The following IMMP2L variants were observed in gnomAD, a reference collection of about 807,000 sequenced individuals.
The protein encoded by IMMP2L is inner mitochondrial membrane peptidase subunit 2.
In IMMP2L, 18 loss-of-function variants were observed where a neutral mutation model predicts 19.3. The observed-to-expected ratio is 0.93, with a 90% confidence interval of 0.64 to 1.38. The LOEUF is 1.38. Ranked by LOEUF, IMMP2L falls within the 40% of genes most tolerant of loss-of-function variation. IMMP2L has a pLI of 0.00. For synonymous variants in IMMP2L, 76 were observed against 73.0 expected (o/e 1.04, Z -0.21); for missense variants, 233 against 218.2 (o/e 1.07, Z -0.43).
At chr7:110,981,627 A>G (rs140555219) in intron 3 of IMMP2L, among the ~76,000 whole-genome samples, 46 of 152,270 alleles carry the variant, frequency 3.0e-4, no homozygotes, top group African/African-American at 1.1e-3. Context: ...CTCCTTTTTA[A>G]GATTTTGAAA....
chr7:110,988,762 T>C (rs1426035862), intron 3 of IMMP2L, among the ~76,000 whole-genome samples: 1 of 152,168 alleles, frequency 6.6e-6, no homozygotes, highest in African/African-American at 2.4e-5. Context: ...AATTATTGTA[T>C]TCCTAAAAAG....
chr7:110,910,161 C>T (rs531062888), intron 4 of IMMP2L, among the ~76,000 whole-genome samples: 2 of 152,084 alleles, frequency 1.3e-5, no homozygotes, highest in Middle Eastern at 3.4e-3. Context: ...TGGGATGAAG[C>T]GTGAAATACT....
rs7811592 is a variant in IMMP2L, at chr7:111,150,299, T to C, written c.240-186734A>G. 1.4e-3 allele frequency among the ~76,000 whole-genome samples: 218 copies of C among 152,262 alleles called. 1 individual carries two copies. Among genetic ancestry groups the C allele is most frequent in the African/African-American group, 4.9e-3 (205 of 41,546 alleles). The stretch of plus-strand genomic sequence containing the variant: ...AGCATCTCCAAGACACAGGGTTTAC[T>C]CTCATTCCTAGGCTGTCAGTCAAGG... On this transcript the variant is annotated intron_variant, in intron 3 of 5. Transcript: ENST00000405709.
intron 3 of IMMP2L, among the ~76,000 whole-genome samples, chr7:111,120,212 C>A (rs1800421637): frequency 6.6e-6 from 1 of 152,042 alleles, no homozygotes; most frequent in African/African-American, 2.4e-5. Flanking sequence ...TTGCATTAAT[C>A]CGTTCTCATG....
intron 3 of IMMP2L, among the ~76,000 whole-genome samples, chr7:111,136,467 C>A (rs1052850422): frequency 1.3e-5 from 2 of 152,148 alleles, no homozygotes; most frequent in African/African-American, 4.8e-5. Flanking sequence ...TCCCATAGGG[C>A]AGCCCTGCAA....
chr7:111,313,896 G>T (rs927423202), intron 3 of IMMP2L, among the ~76,000 whole-genome samples: 3 of 152,102 alleles, frequency 2.0e-5, no homozygotes, highest in Non-Finnish European at 1.5e-5. Context: ...TCCCAGGGGT[G>T]TATGTTTAAT....
chr7:111,384,642 C>T (rs73424056), intron 3 of IMMP2L, among the ~76,000 whole-genome samples: 7,141 of 152,136 alleles, frequency 0.047, 583 homozygotes, highest in African/African-American at 0.16. Context: ...AATCACTGCT[C>T]CATTTGGCCT....
intron 5 of IMMP2L, among the ~76,000 whole-genome samples, chr7:110,748,512 C>T (rs1797509575): frequency 6.6e-6 from 1 of 152,100 alleles, no homozygotes; most frequent in Non-Finnish European, 1.5e-5. Context: ...TACAAGGCTA[C>T]AGTAACAAAA....
intron 5 of IMMP2L, among the ~76,000 whole-genome samples, chr7:110,807,006 A>G (rs796422901): frequency 2.6e-5 from 4 of 152,104 alleles, no homozygotes; most frequent in African/African-American, 9.6e-5. Flanking sequence ...CTGATTATCC[A>G]TGGATGTTGG....
At chr7:111,309,341 A>G (rs1438884846) in intron 3 of IMMP2L, among the ~76,000 whole-genome samples, 1 of 152,168 alleles carries the variant, frequency 6.6e-6, no homozygotes, top group Non-Finnish European at 1.5e-5. Flanking sequence ...CAAAAATTTT[A>G]AATGTTATAT....
chr7:110,714,133 T>C (rs1016964488), intron 5 of IMMP2L, among the ~76,000 whole-genome samples: 1 of 152,218 alleles, frequency 6.6e-6, no homozygotes, highest in African/African-American at 2.4e-5. Flanking sequence ...GTTTTTCTCA[T>C]GAAGAGATGT....
intron 3 of IMMP2L, among the ~76,000 whole-genome samples, chr7:111,201,967 T>C (rs1330519268): frequency 5.3e-5 from 8 of 152,168 alleles, no homozygotes. Context: ...TAAAGTTCTG[T>C]TGTTTTTAAG....
At chr7:111,400,204 C>A (rs1214018903) in intron 3 of IMMP2L, among the ~76,000 whole-genome samples, 8 of 152,098 alleles carry the variant, frequency 5.3e-5, no homozygotes, top group Admixed American at 5.2e-4. Flanking sequence ...TATCACCTAG[C>A]TCATAGTAAG....
intron 3 of IMMP2L, among the ~76,000 whole-genome samples, chr7:111,388,265 C>A (rs879282025): frequency 1.3e-5 from 2 of 151,774 alleles, no homozygotes; most frequent in Non-Finnish European, 2.9e-5. Context: ...AAGGAGATGA[C>A]CCATACAGCT....
intron 5 of IMMP2L, among the ~76,000 whole-genome samples, chr7:110,673,137 G>T (rs117529151): frequency 0.026 from 3,973 of 152,306 alleles, 69 homozygotes; most frequent in Middle Eastern, 0.092. Flanking sequence ...AGTCTAGATG[G>T]AGGTTCCCAA....
intron 4 of IMMP2L, among the ~76,000 whole-genome samples, chr7:110,949,189 C>A (rs922620886): frequency 2.4e-4 from 37 of 152,112 alleles, no homozygotes; most frequent in African/African-American, 8.5e-4. Context: ...TAATAAATCC[C>A]CTCTCATATA....
intron 5 of IMMP2L, among the ~76,000 whole-genome samples, chr7:110,717,457 T>G (rs1455853180): frequency 1.3e-5 from 2 of 152,044 alleles, no homozygotes; most frequent in African/African-American, 2.4e-5. Flanking sequence ...AGAGCAAGAC[T>G]ACGTCTCAAA....
At chr7:111,368,289 A>G (rs1829971769) in intron 3 of IMMP2L, among the ~76,000 whole-genome samples, 1 of 151,878 alleles carries the variant, frequency 6.6e-6, no homozygotes, top group African/African-American at 2.4e-5. Context: ...TCCTGGTGGA[A>G]GCATAAATCC....
At chr7:110,764,213 T>C (rs978144235) in intron 5 of IMMP2L, among the ~76,000 whole-genome samples, 2 of 152,110 alleles carry the variant, frequency 1.3e-5, no homozygotes, top group Admixed American at 6.6e-5. Context: ...GACCACCTAC[T>C]GACAATGCCA....
Sources: allele counts gnomAD v4.1 joint callset (sites outside exome capture counted in the v4.1 genomes callset), GRCh38; gene constraint gnomAD v4.1.1; transcripts MANE v1.5; gene names NCBI Gene and HGNC (gene_info 2026-07-23, HGNC 2026-07-21).